Variants in MALSU1 observed in about 807,000 individuals in gnomAD.
MALSU1 encodes mitochondrial assembly of ribosomal large subunit 1, also known as mitochondrial assembly of ribosomal large subunit protein 1.
MALSU1 carries 22 observed loss-of-function variants against 22.1 expected under a neutral mutation model. The observed-to-expected ratio is 1.00, with a 90% confidence interval of 0.71 to 1.42. The LOEUF is 1.42. Among genes scored for constraint, MALSU1 ranks in the 40% most tolerant of loss-of-function variants. The probability of loss-of-function intolerance (pLI) is 0.00; values close to 1 mark genes in which losing one functional copy is unlikely to be tolerated. For synonymous variants in MALSU1, 153 were observed against 118.5 expected (o/e 1.29, Z -1.89); for missense variants, 379 against 308.3 (o/e 1.23, Z -1.72).
Position 23,311,579 on chromosome 7 carries a change from C to T in MALSU1, c.*2036C>T, listed in dbSNP as rs1192700340. ...CCGTATTTTTGAACATTTGATTTAA[C>T]TAATAACTGTGTCAAAAGCCTCAAA... is the stretch of plus-strand genomic sequence containing the variant. On this transcript the variant is annotated 3_prime_UTR_variant, in exon 4 of 4. Coordinates refer to ENST00000466681, the MANE Select transcript of MALSU1 (RefSeq NM_138446.2). 1 of 152,300 alleles carries T rather than the reference C, an allele frequency of 6.6e-6. No homozygotes were observed. The highest frequency in any genetic ancestry group is 6.5e-5 in the Admixed American group (1 of 15,282). 9.4% of individuals were successfully genotyped at this position (152,300 alleles called of 1,614,324 possible).
chr7:23,299,638 C>T lies in MALSU1; in HGVS notation c.256+30C>T, dbSNP rs749213852. 9.1e-6 allele frequency: 14 copies of T among 1,541,702 alleles called. No homozygotes were observed. The East Asian group carries it at 1.7e-4, about 19-fold the overall frequency. ...GGGCGTGGAGAAGAACGAAGGCGACCCTCTCCGGGCAGTCTGGAGTCAGGT... is the reference window on the plus strand; with the variant it reads ...GGGCGTGGAGAAGAACGAAGGCGACTCTCTCCGGGCAGTCTGGAGTCAGGT... On this transcript the variant is annotated intron_variant, in intron 1 of 3. Coordinates refer to ENST00000466681, the MANE Select transcript of MALSU1 (RefSeq NM_138446.2).
chr7:23,299,515 C>G lies in MALSU1; in HGVS notation c.163C>G (p.Pro55Ala), dbSNP rs751816943. The change falls in exon 1 of 4, where the codon CCA becomes GCA. Residue 55 changes from proline to alanine, a missense_variant. Physicochemically the swap from Pro to Ala is conservative, Grantham distance 27 (BLOSUM62 -1). Transcript: ENST00000466681. ...GAAFCRACQT[P>A]NFVRGLHSEP... ...AGCGTTCTGCCGGGCTTGCCAGACC[C>G]CAAACTTTGTCCGCGGCCTGCACAG... The G allele has an allele frequency of 6.2e-7, 1 of 1,612,730 alleles. No individual in the cohort carries two copies. The highest frequency in any genetic ancestry group is 1.3e-5 in the African/African-American group (1 of 74,928).
intron 2 of MALSU1, among the ~76,000 whole-genome samples, chr7:23,302,890 C>T (rs1219654276): frequency 1.3e-5 from 2 of 152,140 alleles, no homozygotes; most frequent in Non-Finnish European, 2.9e-5. Context: ...GATTCTCCGG[C>T]CTAAGCCTCC....
chr7:23,299,360 C>T lies in MALSU1; in HGVS notation c.8C>T (p.Pro3Leu), dbSNP rs749361384. 9 of 1,573,564 alleles carry T rather than the reference C, an allele frequency of 5.7e-6. No homozygotes were observed. Among genetic ancestry groups the T allele is most frequent in the East Asian group, 2.3e-5 (1 of 44,308 alleles). Residue 3 changes from proline to leucine, a missense_variant, in exon 1 of 4, where the codon CCG (proline) becomes CTG (leucine). By Grantham distance (98) the Pro-to-Leu change is moderately conservative (BLOSUM62 -3). Coordinates refer to ENST00000466681, the MANE Select transcript of MALSU1 (RefSeq NM_138446.2). MG[P>L]GGRVARLLAP... Reference sequence around the variant, plus strand: ...CGACGCAAGGCTGCTGCTATGGGGCCGGGCGGCCGTGTGGCGCGGCTGCTC... The same window carrying T: ...CGACGCAAGGCTGCTGCTATGGGGCTGGGCGGCCGTGTGGCGCGGCTGCTC...
Position 23,310,381 on chromosome 7 carries a change from A to C in MALSU1, c.*838A>C, listed in dbSNP as rs1424877700. 3 of 152,364 alleles carry C rather than the reference A, an allele frequency of 2.0e-5. No individual in the cohort carries two copies. The East Asian group carries it at 5.8e-4, about 29-fold the overall frequency. The allele number at this position is 152,364 out of a possible 1,614,324, so 9.4% of individuals were successfully genotyped here. On this transcript the variant is annotated 3_prime_UTR_variant, in exon 4 of 4. Coordinates refer to ENST00000466681, the MANE Select transcript of MALSU1 (RefSeq NM_138446.2). ...TCCAAATTACAAATGCTTAAGTAAA[A>C]GTAAAATATGATTTGCCATACTAAA...
At position 23,310,857 on chromosome 7, in the gene MALSU1, ACAAAACT is replaced by A. The variant is rs986871629; in HGVS notation, c.*1320_*1326del. 10 of 152,188 alleles carry A rather than the reference ACAAAACT, an allele frequency of 6.6e-5. No individual in the cohort carries two copies. Among genetic ancestry groups the A allele is most frequent in the African/African-American group, 2.2e-4 (9 of 41,432 alleles). 9.4% of individuals were successfully genotyped at this position (152,188 alleles called of 1,614,324 possible). The stretch of plus-strand genomic sequence containing the variant: ...TAACATGACTGTGATCATCTTACAA[ACAAAACT>A]CAAAAAATCAATTCAGAGAGCAGCG... On this transcript the variant is annotated 3_prime_UTR_variant, in exon 4 of 4. Transcript: ENST00000466681.
In MALSU1 at chr7:23,299,455, C is replaced by T; in HGVS notation, c.103C>T (p.Arg35Trp). The T allele has an allele frequency of 1.2e-6, 2 of 1,607,784 alleles. No individual in the cohort carries two copies. Among genetic ancestry groups the T allele is most frequent in the Non-Finnish European group, 1.7e-6 (2 of 1,179,282 alleles). The change falls in exon 1 of 4, where the codon CGG (arginine) becomes TGG (tryptophan). Residue 35 changes from arginine to tryptophan, a missense_variant. Physicochemically the swap from Arg to Trp is moderately radical, Grantham distance 101. Transcript: ENST00000466681. ...CGCGGTTGGAGCCGAGCCCGGGCTT[C>T]GGCTGCTGGCCGTGCAGCGGCTTCC... ...GSAVGAEPGL[R>W]LLAVQRLPVG...
At chr7:23,302,886 C>A (rs965192616) in intron 2 of MALSU1, among the ~76,000 whole-genome samples, 2 of 152,180 alleles carry the variant, frequency 1.3e-5, no homozygotes, top group African/African-American at 4.8e-5. Context: ...AAGTGATTCT[C>A]CGGCCTAAGC....
rs982395513 is a variant in MALSU1, at chr7:23,299,617, G to A, written c.256+9G>A. On this transcript the variant is annotated intron_variant, in intron 1 of 3. Coordinates refer to ENST00000466681, the MANE Select transcript of MALSU1 (RefSeq NM_138446.2). ...AGAATCGGACGCGGCAGGTACGGGCGTGGAGAAGAACGAAGGCGACCCTCT... is the reference window on the plus strand; with the variant it reads ...AGAATCGGACGCGGCAGGTACGGGCATGGAGAAGAACGAAGGCGACCCTCT... 1.0e-5 allele frequency: 16 copies of A among 1,565,466 alleles called. No homozygotes were observed. Among genetic ancestry groups the A allele is most frequent in the Non-Finnish European group, 1.4e-5 (16 of 1,154,950 alleles).
intron 2 of MALSU1, among the ~76,000 whole-genome samples, chr7:23,305,148 C>A (rs1465077860): frequency 6.6e-6 from 1 of 152,160 alleles, no homozygotes; most frequent in Non-Finnish European, 1.5e-5. Flanking sequence ...GTTGGAAGGA[C>A]TGTCCTTTGT....
At position 23,307,775 on chromosome 7, in the gene MALSU1, AAAAC is replaced by A. The variant is rs371557663; in HGVS notation, c.436-77_436-74del. 1.5e-3 allele frequency: 1,176 copies of A among 803,088 alleles called. 9 individuals carry two copies. The highest frequency in any genetic ancestry group is 5.9e-3 in the African/African-American group (324 of 54,682). 49.7% of individuals were successfully genotyped at this position (803,088 alleles called of 1,614,324 possible). The stretch of plus-strand genomic sequence containing the variant: ...GAGAAATGAGTAAGAAAGATTAAAA[AAAAC>A]AAACAAACAAACAAAAAAAAAAGAC... On this transcript the variant is annotated intron_variant, in intron 2 of 3. Transcript: ENST00000466681.
At chr7:23,309,257 C>A in intron 3 of MALSU1, 99 bp from the exon 4 acceptor site, 1 of 1,111,816 alleles carries the variant, frequency 9.0e-7, no homozygotes, top group Non-Finnish European at 1.3e-6. Flanking sequence ...CACTTGAGAA[C>A]CACTGCTTTA....
At chr7:23,304,144 G>A (rs536710470) in intron 2 of MALSU1, among the ~76,000 whole-genome samples, 2 of 152,066 alleles carry the variant, frequency 1.3e-5, no homozygotes, top group African/African-American at 2.4e-5. Flanking sequence ...TGCTTTTAAT[G>A]CTTTGGGGTA....
rs1783775506 is a variant in MALSU1 at position 23,309,484 on chromosome 7, A to G, written c.646A>G (p.Ile216Val). The change falls in exon 4 of 4, where the codon ATT (isoleucine) becomes GTT (valine). Residue 216 changes from isoleucine to valine, a missense_variant. Coordinates refer to ENST00000466681, the MANE Select transcript of MALSU1 (RefSeq NM_138446.2). ...ACCTGAGACAGTACCTGAAGACTTC[A>G]TTCTTGGAATAGAAGATGATACTTC... The part of the protein sequence containing the change: ...IAPETVPEDF[I>V]LGIEDDTSSV... 1.2e-6 allele frequency: 2 copies of G among 1,613,096 alleles called. No homozygotes were observed. The highest frequency in any genetic ancestry group is 1.1e-5 in the South Asian group (1 of 90,924).
rs754165826 is a variant in MALSU1 at position 23,301,967 on chromosome 7, C to CAA, written c.435+964_435+965dup. Among the ~76,000 whole-genome samples, 931 of 97,826 alleles carry CAA rather than the reference C, an allele frequency of 9.5e-3. 11 individuals carry two copies. Among genetic ancestry groups the CAA allele is most frequent in the African/African-American group, 0.031 (885 of 28,578 alleles). The allele number at this position is 97,826 out of a possible 152,430, so 64.2% of individuals were successfully genotyped here. A position where few individuals can be genotyped will look rare whatever the true frequency, so the allele number is the denominator to read the frequency against. On this transcript the variant is annotated intron_variant, in intron 2 of 3. Coordinates refer to ENST00000466681, the MANE Select transcript of MALSU1 (RefSeq NM_138446.2). The stretch of plus-strand genomic sequence containing the variant: ...CTGGTGACAGAGCCAGACTCTGTCT[C>CAA]AAAAAAAAAAAAAAAGATATAAATT...
In MALSU1 at chr7:23,309,541, T is replaced by G; in HGVS notation, c.703T>G (p.Ter235GluextTer14). ...SVTPVELKCE[*>E] ...GACTCCAGTGGAGTTAAAATGTGAA[T>G]AAAATATTTTATGCACTGCGTTAGT... The change falls in exon 4 of 4, where the codon TAA becomes GAA. Residue 235 changes from the stop codon to glutamate (E), a stop_lost. Transcript: ENST00000466681. 1 of 1,592,060 alleles carries G rather than the reference T, an allele frequency of 6.3e-7. No homozygotes were observed. Among genetic ancestry groups the G allele is most frequent in the Non-Finnish European group, 8.5e-7 (1 of 1,172,672 alleles).
intron 2 of MALSU1, 48 bp downstream of exon 2, chr7:23,301,065 TG>T (rs1293417953): frequency 8.5e-6 from 13 of 1,532,460 alleles, no homozygotes; most frequent in Non-Finnish European, 1.2e-5. Context: ...AGTGGAATAG[TG>T]ACAGTGCATC....
At chr7:23,303,301 C>T (rs961299327) in intron 2 of MALSU1, among the ~76,000 whole-genome samples, 3 of 152,174 alleles carry the variant, frequency 2.0e-5, no homozygotes, top group Admixed American at 2.0e-4. Context: ...TTGTGACCGA[C>T]TTATCTGACT....
At chr7:23,309,320 T>C (rs1318704821) in intron 3 of MALSU1, 36 bp from the exon 4 acceptor site, 1 of 1,540,928 alleles carries the variant, frequency 6.5e-7, no homozygotes, top group Non-Finnish European at 8.8e-7. Context: ...GCAAATGAAC[T>C]ATTCCTTCAT....
Sources: gnomAD v4.1 joint callset for allele counts (sites outside exome capture counted in the v4.1 genomes callset) on GRCh38, gnomAD v4.1.1 for gene constraint, MANE v1.5 for transcripts, NCBI Gene and HGNC (gene_info 2026-07-23, HGNC 2026-07-21) for gene names.